GRM6: variants seen among roughly 807,000 people sequenced by gnomAD.
GRM6 encodes the protein metabotropic glutamate receptor 6.
Under a neutral mutation model 78.4 loss-of-function variants are expected in GRM6, and 73 were observed. The observed-to-expected ratio is 0.93, with a 90% CI of 0.77 to 1.13. The LOEUF (loss-of-function observed/expected upper bound fraction) is 1.13, where lower values mean the gene tolerates loss of function less well. GRM6 is among the 50% of genes most tolerant of loss of function. The pLI, the probability that GRM6 is intolerant of heterozygous loss-of-function variation, is 0.00. For missense variants in GRM6, 1,251 were observed against 1,256.4 expected, an observed-to-expected ratio of 1.00 and a Z score of 0.07; for synonymous variants, 580 against 555.0, an observed-to-expected ratio of 1.05 and a Z score of -0.63.
Position 178,986,690 on chromosome 5 carries a change from A to G in GRM6, c.1564T>C (p.Cys522Arg), listed in dbSNP as rs1205535709. Reference sequence around the variant, plus strand: ...ATCTTCTTCCGCTCCCCCGGCCCGCAGGGCAGGCTGCACAGAGACGAGGGC... The same window carrying G: ...ATCTTCTTCCGCTCCCCCGGCCCGCGGGGCAGGCTGCACAGAGACGAGGGC... Reference protein sequence around the residue: ...EVPSSLCSLPCGPGERKKMVK... With the variant: ...EVPSSLCSLPRGPGERKKMVK... Residue 522 changes from cysteine to arginine, a missense_variant, in exon 9 of 11, where the codon TGC (cysteine) becomes CGC (arginine). Physicochemically the swap from Cys to Arg is radical, Grantham distance 180. Transcript: ENST00000517717. 1.2e-6 allele frequency: 2 copies of G among 1,604,258 alleles called. No homozygotes were observed. Among genetic ancestry groups the G allele is most frequent in the Non-Finnish European group, 8.5e-7 (1 of 1,179,846 alleles).
At chr5:178,993,516 C>T (rs1243069249) in intron 2 of GRM6, among the ~76,000 whole-genome samples, 1 of 152,138 alleles carries the variant, frequency 6.6e-6, no homozygotes, top group Non-Finnish European at 1.5e-5. Context: ...ACGCCTGGAA[C>T]AAACACAGAC....
chr5:178,991,658 G>A lies in GRM6; in HGVS notation c.722-99C>T. 7.0e-7 allele frequency: 1 copy of A among 1,429,764 alleles called. No homozygotes were observed. The allele number at this position is 1,429,764 out of a possible 1,614,324, so 88.6% of individuals were successfully genotyped here. A position where few individuals can be genotyped will look rare whatever the true frequency, so the allele number is the denominator to read the frequency against. On this transcript the variant is annotated intron_variant, in intron 3 of 10. Transcript: ENST00000517717. This position sits in a 1 kb window ranked among gnomAD's most constrained non-coding sequence, Gnocchi z 5.0. The stretch of plus-strand genomic sequence containing the variant: ...ACTGTGTAGGCTGGCTGAAGGGTCT[G>A]CAGGGGTGAAGTCTGGCCTGCACCC...
chr5:178,989,872 C>CCTG, intron 5 of GRM6: 1 of 256,034 alleles, frequency 3.9e-6, no homozygotes, highest in Non-Finnish European at 7.7e-6. Context: ...GAGCCCAGGG[C>CCTG]TTTGAGAGCG....
rs115500123 is a variant in GRM6 at position 178,991,214 on chromosome 5, C to G, written c.857+210G>C. Among the ~76,000 whole-genome samples, 2,102 of 152,190 alleles carry G rather than the reference C, an allele frequency of 0.014. 48 individuals carry two copies. Among genetic ancestry groups the G allele is most frequent in the African/African-American group, 0.047 (1,961 of 41,510 alleles). Reference sequence around the variant, plus strand: ...TGTAAACACAGACACATGTTCTGTGCGCTATTCAGTCTGGGCTTGTGGCAT... The same window carrying G: ...TGTAAACACAGACACATGTTCTGTGGGCTATTCAGTCTGGGCTTGTGGCAT... On this transcript the variant is annotated intron_variant, in intron 4 of 10. Transcript: ENST00000517717. The surrounding 1 kb of genome is among the most constrained non-coding windows in gnomAD (Gnocchi z 5.0).
At chr5:178,995,237 C>A in intron 1 of GRM6, 39 bp downstream of exon 1, 1 of 162,848 alleles carries the variant, frequency 6.1e-6, no homozygotes, top group Non-Finnish European at 1.3e-5. Context: ...CGGGGTCCAT[C>A]CCCAGCGCAC....
chr5:178,991,675 C>CCAGA lies in GRM6; in HGVS notation c.722-117_722-116insTCTG. The CCAGA allele has an allele frequency of 7.8e-7, 1 of 1,276,952 alleles. No individual in the cohort carries two copies. The highest frequency in any genetic ancestry group is 1.1e-6 in the Non-Finnish European group (1 of 890,554). The allele number at this position is 1,276,952 out of a possible 1,614,324, so 79.1% of individuals were successfully genotyped here. Reference sequence around the variant, plus strand: ...AAGGGTCTGCAGGGGTGAAGTCTGGCCTGCACCCTCCGCCAAGCCTGAGGC... The same window carrying CCAGA: ...AAGGGTCTGCAGGGGTGAAGTCTGGCCAGACTGCACCCTCCGCCAAGCCTGAGGC... On this transcript the variant is annotated intron_variant, in intron 3 of 10. Coordinates refer to ENST00000517717, the MANE Select transcript of GRM6 (RefSeq NM_000843.4). This position sits in a 1 kb window ranked among gnomAD's most constrained non-coding sequence, Gnocchi z 5.0.
Position 178,988,793 on chromosome 5 carries a change from C to T in GRM6, c.1354+142G>A, listed in dbSNP as rs1409429016. 1 of 678,046 alleles carries T rather than the reference C, an allele frequency of 1.5e-6. No individual in the cohort carries two copies. The highest frequency in any genetic ancestry group is 2.4e-5 in the Admixed American group (1 of 42,154). 42.0% of individuals were successfully genotyped at this position (678,046 alleles called of 1,614,324 possible). A position where few individuals can be genotyped will look rare whatever the true frequency, so the allele number is the denominator to read the frequency against. ...TTGGGGACCGGAACTTGTCTCATGT[C>T]TTTGGCACTCAGCCCCAGGCACCCC... On this transcript the variant is annotated intron_variant, in intron 7 of 10. Coordinates refer to ENST00000517717, the MANE Select transcript of GRM6 (RefSeq NM_000843.4). This position sits in a 1 kb window ranked among gnomAD's most constrained non-coding sequence, Gnocchi z 6.0.
At position 178,981,635 on chromosome 5, in the gene GRM6, A is replaced by G. The variant is rs771507440; in HGVS notation, c.*22T>C. 2 of 1,583,144 alleles carry G rather than the reference A, an allele frequency of 1.3e-6. No homozygotes were observed. The highest frequency in any genetic ancestry group is 1.7e-6 in the Non-Finnish European group (2 of 1,152,036). ...GAGGAAGAAAGGAGAGGCAGCAAGCAGTCCCGTTCCCACCTGCCCTGCTAC... is the reference window on the plus strand; with the variant it reads ...GAGGAAGAAAGGAGAGGCAGCAAGCGGTCCCGTTCCCACCTGCCCTGCTAC... On this transcript the variant is annotated 3_prime_UTR_variant, in exon 11 of 11. Coordinates refer to ENST00000517717, the MANE Select transcript of GRM6 (RefSeq NM_000843.4). This position sits in a 1 kb window ranked among gnomAD's most constrained non-coding sequence, Gnocchi z 5.1.
rs184705748 is a variant in GRM6, at chr5:178,985,673, A to C, written c.2124+457T>G. The C allele has an allele frequency of 1.2e-3, 464 of 402,000 alleles. 2 individuals are homozygous for C. Among genetic ancestry groups the C allele is most frequent in the African/African-American group, 7.8e-3 (353 of 45,526 alleles). 24.9% of individuals were successfully genotyped at this position (402,000 alleles called of 1,614,324 possible). A position where few individuals can be genotyped will look rare whatever the true frequency, so the allele number is the denominator to read the frequency against. On this transcript the variant is annotated intron_variant, in intron 9 of 10. Transcript: ENST00000517717. The stretch of plus-strand genomic sequence containing the variant: ...AGCTGAGATAGTGCCACTGCACTCC[A>C]GCCTGGGCGACACAGCGAGACTCTG...
rs1462628769 is a variant in GRM6 at position 178,992,400 on chromosome 5, C to CA, written c.505-318dup. 3.3e-5 allele frequency: 16 copies of CA among 485,740 alleles called. 1 individual carries two copies. The Admixed American group carries it at 3.6e-4, about 11-fold the overall frequency. The allele number at this position is 485,740 out of a possible 1,614,324, so 30.1% of individuals were successfully genotyped here. A position where few individuals can be genotyped will look rare whatever the true frequency, so the allele number is the denominator to read the frequency against. On this transcript the variant is annotated intron_variant, in intron 2 of 10. Transcript: ENST00000517717. The surrounding 1 kb of genome is among the most constrained non-coding windows in gnomAD (Gnocchi z 4.9). ...AAGCTGTGTCCTGAACAAGGACCCC[C>CA]AGCAGAGGGCCTGCAGCCCATCCAG...
At chr5:178,985,592 A>G (rs775624892) in intron 9 of GRM6, 43 of 347,964 alleles carry the variant, frequency 1.2e-4, no homozygotes, top group Admixed American at 3.1e-4. Context: ...AGTCCCAGCT[A>G]CTCGGGAGGC....
chr5:178,994,754 T>C lies in GRM6; in HGVS notation c.191A>G (p.Gln64Arg). Residue 64 changes from glutamine (Q) to arginine (R), a missense_variant, in exon 2 of 11, where the codon CAG becomes CGG. Transcript: ENST00000517717. ...GRACGQLKKE[Q>R]GVHRLEAMLY... is the part of the protein sequence containing the mutation. ...CATGGCCTCCAGCCGGTGCACGCCC[T>C]GCTCCTTCTTCAGCTGCCCGCACGC... is the stretch of plus-strand genomic sequence containing the variant. 2 of 1,415,388 alleles carry C rather than the reference T, an allele frequency of 1.4e-6. No individual in the cohort carries two copies. The highest frequency in any genetic ancestry group is 1.9e-6 in the Non-Finnish European group (2 of 1,080,232). 87.7% of individuals were successfully genotyped at this position (1,415,388 alleles called of 1,614,324 possible).
chr5:178,989,215 TCACCACCC>T, intron 6 of GRM6, 42 bp downstream of exon 6: 4 of 886,710 alleles, frequency 4.5e-6, no homozygotes, highest in Non-Finnish European at 6.4e-6. Context: ...CTCCCCACCC[TCACCACCC>T]TCCCCACCCT....
rs76990318 is a variant in GRM6, at chr5:178,988,425, G to A, written c.1354+510C>T. The stretch of plus-strand genomic sequence containing the variant: ...ACAGAAAGTCATCTCTCCACAAACC[G>A]TGGACAGAGCTTGAGTCCACTGGGG... On this transcript the variant is annotated intron_variant, in intron 7 of 10. Coordinates refer to ENST00000517717, the MANE Select transcript of GRM6 (RefSeq NM_000843.4). This position sits in a 1 kb window ranked among gnomAD's most constrained non-coding sequence, Gnocchi z 6.0. Among the ~76,000 whole-genome samples, 107 of 152,202 alleles carry A rather than the reference G, an allele frequency of 7.0e-4. No individual in the cohort carries two copies. Among genetic ancestry groups the A allele is most frequent in the African/African-American group, 2.5e-3 (102 of 41,522 alleles).
intron 4 of GRM6, 22 bp from the exon 5 acceptor site, chr5:178,990,768 T>A: frequency 6.5e-7 from 1 of 1,549,718 alleles, no homozygotes; most frequent in South Asian, 1.2e-5. Flanking sequence ...AGGGCTGGGG[T>A]GAGGGAGGGC....
In GRM6 at chr5:178,986,123, G is replaced by T; in HGVS notation, c.2124+7C>A. 1 of 1,612,496 alleles carries T rather than the reference G, an allele frequency of 6.2e-7. No individual in the cohort carries two copies. ...CTGCCCTGGCCCTTGGGAGCCTACG[G>T]ACCCACCTGCAGGGAGGTGAGGCTG... is the stretch of plus-strand genomic sequence containing the variant. On this transcript the variant is annotated splice_region_variant and intron_variant, in intron 9 of 10. Coordinates refer to ENST00000517717, the MANE Select transcript of GRM6 (RefSeq NM_000843.4).
chr5:178,980,744 C>G lies in GRM6; in HGVS notation c.*913G>C, dbSNP rs926132284. On this transcript the variant is annotated 3_prime_UTR_variant, in exon 11 of 11. Coordinates refer to ENST00000517717, the MANE Select transcript of GRM6 (RefSeq NM_000843.4). This position sits in a 1 kb window ranked among gnomAD's most constrained non-coding sequence, Gnocchi z 4.3. ...CACCTCCCAGGTTCAAGCGATTCTC[C>G]TGCCTCAGCCTCCCAAGTAACTGGG... The G allele has an allele frequency of 3.3e-5, 5 of 152,466 alleles. No homozygotes were observed. Among genetic ancestry groups the G allele is most frequent in the African/African-American group, 1.2e-4 (5 of 41,428 alleles). 9.4% of individuals were successfully genotyped at this position (152,466 alleles called of 1,614,324 possible). A position where few individuals can be genotyped will look rare whatever the true frequency, so the allele number is the denominator to read the frequency against.
Position 178,986,169 on chromosome 5 carries a change from G to C in GRM6, c.2085C>G (p.Thr695=). The C allele has an allele frequency of 6.2e-7, 1 of 1,613,990 alleles. No homozygotes were observed. Among genetic ancestry groups the C allele is most frequent in the South Asian group, 1.1e-5 (1 of 91,072 alleles). ...GGCTGAAGGTGATGACCAGCTGTGA[G>C]GTGGGGCTGATGAAGGGAGGGGGTG... The part of the protein sequence containing the change: ...SVTPPPFISP[T]SQLVITFSLT... Residue 695 remains threonine (T), a synonymous_variant, in exon 9 of 11, where the codon ACC becomes ACG. Coordinates refer to ENST00000517717, the MANE Select transcript of GRM6 (RefSeq NM_000843.4).
chr5:178,990,761 G>T lies in GRM6; in HGVS notation c.858-15C>A, dbSNP rs1272430470. 4 of 1,554,058 alleles carry T rather than the reference G, an allele frequency of 2.6e-6. No individual in the cohort carries two copies. The highest frequency in any genetic ancestry group is 4.8e-5 in the East Asian group (2 of 41,562). ...CCAGGACCCGCCTGGTAGGAGCAGG[G>T]CTGGGGTGAGGGAGGGCCTGGGAGC... On this transcript the variant is annotated splice_polypyrimidine_tract_variant and intron_variant, in intron 4 of 10. Coordinates refer to ENST00000517717, the MANE Select transcript of GRM6 (RefSeq NM_000843.4).
Sources: allele counts gnomAD v4.1 joint callset (sites outside exome capture counted in the v4.1 genomes callset), GRCh38; gene constraint gnomAD v4.1.1; non-coding constraint Gnocchi (gnomAD v3.1); transcripts MANE v1.5; gene names NCBI Gene and HGNC (gene_info 2026-07-23, HGNC 2026-07-21).